The following VWC2 variants were observed in gnomAD, a reference collection of about 807,000 sequenced individuals.
VWC2 encodes the protein brorin.
Under a neutral mutation model 29.8 loss-of-function variants are expected in VWC2, and 14 were observed. The observed-to-expected ratio is 0.47, with a 90% confidence interval of 0.31 to 0.74. VWC2 has a LOEUF of 0.74. Ranked by LOEUF, VWC2 falls within the 30% of genes least tolerant of loss-of-function variation. VWC2 has a pLI of 0.05. For missense variants in VWC2, 457 were observed against 459.8 expected (o/e 0.99, Z 0.05); for synonymous variants, 213 against 199.0 (o/e 1.07, Z -0.59).
In VWC2 at chr7:49,920,569, A is replaced by T. The variant is rs923984313; in HGVS notation, c.*8384A>T. 6.6e-6 allele frequency: 1 copy of T among 152,228 alleles called. No individual in the cohort carries two copies. The highest frequency in any genetic ancestry group is 1.5e-5 in the Non-Finnish European group (1 of 68,032). The allele number at this position is 152,228 out of a possible 1,614,324, so 9.4% of individuals were successfully genotyped here. A position where few individuals can be genotyped will look rare whatever the true frequency, so the allele number is the denominator to read the frequency against. ...GCTGGACCTAAGCAGTGAAGGATGT[A>T]AGGGAACAGAGAGAGACTCTGCTTG... is the stretch of plus-strand genomic sequence containing the variant. On this transcript the variant is annotated 3_prime_UTR_variant, in exon 4 of 4. Coordinates refer to ENST00000340652, the MANE Select transcript of VWC2 (RefSeq NM_198570.5).
At chr7:49,842,086 T>C (rs1583664301) in intron 3 of VWC2, among the ~76,000 whole-genome samples, 1 of 152,170 alleles carries the variant, frequency 6.6e-6, no homozygotes, top group African/African-American at 2.4e-5. Flanking sequence ...CAGGCTGGTC[T>C]TGAACTCCTG....
At chr7:49,857,623 G>A (rs534952009) in intron 3 of VWC2, among the ~76,000 whole-genome samples, 44 of 151,914 alleles carry the variant, frequency 2.9e-4, no homozygotes, top group Admixed American at 1.1e-3. Context: ...CTGTCAAAAT[G>A]GCTATTAACA....
intron 1 of VWC2, among the ~76,000 whole-genome samples, chr7:49,774,950 TC>T (rs569889296): frequency 1.3e-3 from 202 of 152,238 alleles, no homozygotes; most frequent in South Asian, 0.01. Flanking sequence ...TTAATAACCT[TC>T]GGGAAATGTG....
At chr7:49,800,188 G>GTT (rs1176032878) in intron 2 of VWC2, among the ~76,000 whole-genome samples, 1 of 151,970 alleles carries the variant, frequency 6.6e-6, no homozygotes, top group Non-Finnish European at 1.5e-5. Flanking sequence ...AGTAAGAAGT[G>GTT]TTTTTTTTCC....
At chr7:49,878,240 A>G (rs776987416) in intron 3 of VWC2, among the ~76,000 whole-genome samples, 7 of 152,176 alleles carry the variant, frequency 4.6e-5, no homozygotes, top group Non-Finnish European at 8.8e-5. Context: ...TAAACACAGC[A>G]CACTGCAATA....
intron 3 of VWC2, among the ~76,000 whole-genome samples, chr7:49,859,367 G>A (rs1228622812): frequency 6.6e-6 from 1 of 151,958 alleles, no homozygotes; most frequent in Non-Finnish European, 1.5e-5. Context: ...AGGTAACAAG[G>A]CTGTTCTCAT....
intron 3 of VWC2, among the ~76,000 whole-genome samples, chr7:49,810,330 C>T (rs903114236): frequency 4.6e-5 from 7 of 151,934 alleles, no homozygotes; most frequent in Non-Finnish European, 1.0e-4. Flanking sequence ...CTTAGAAACA[C>T]ATGTCACAAT....
At chr7:49,802,598 A>T in intron 2 of VWC2, 113 bp from the exon 3 acceptor site, 1 of 1,404,200 alleles carries the variant, frequency 7.1e-7, no homozygotes. Context: ...AGATCGCACC[A>T]CTGCACTCCA....
chr7:49,838,867 A>G (rs757222967), intron 3 of VWC2, among the ~76,000 whole-genome samples: 1 of 152,186 alleles, frequency 6.6e-6, no homozygotes, highest in Non-Finnish European at 1.5e-5. Context: ...TAAGTTGCCC[A>G]AAGTCACACA....
intron 3 of VWC2, among the ~76,000 whole-genome samples, chr7:49,908,720 A>C (rs1344703170): frequency 1.3e-5 from 2 of 152,182 alleles, no homozygotes; most frequent in African/African-American, 4.8e-5. Context: ...GGGCAAGATC[A>C]GCTGAAGATA....
At chr7:49,780,380 A>G (rs1788147802) in intron 2 of VWC2, among the ~76,000 whole-genome samples, 1 of 152,204 alleles carries the variant, frequency 6.6e-6, no homozygotes, top group South Asian at 2.1e-4. Flanking sequence ...CTCAGTGGCC[A>G]CATGATTTGT....
At chr7:49,796,765 G>C (rs991177258) in intron 2 of VWC2, among the ~76,000 whole-genome samples, 1 of 152,126 alleles carries the variant, frequency 6.6e-6, no homozygotes, top group African/African-American at 2.4e-5. Flanking sequence ...ATTAAACAAG[G>C]CAAAGCTTCT....
In VWC2 at chr7:49,921,707, TAATA is replaced by T. The variant is rs1261999837; in HGVS notation, c.*9526_*9529del. The T allele has an allele frequency of 1.3e-5, 2 of 152,248 alleles. No individual in the cohort carries two copies. The highest frequency in any genetic ancestry group is 2.4e-5 in the African/African-American group (1 of 41,470). 9.4% of individuals were successfully genotyped at this position (152,248 alleles called of 1,614,324 possible). ...TGAGACTTGAACATTTTGAAGATTC[TAATA>T]AATGAATAATTTAATTTAGTGCTCA... On this transcript the variant is annotated 3_prime_UTR_variant, in exon 4 of 4. Transcript: ENST00000340652.
intron 3 of VWC2, among the ~76,000 whole-genome samples, chr7:49,887,330 A>G (rs73111338): frequency 2.4e-4 from 36 of 152,296 alleles, no homozygotes; most frequent in Non-Finnish European, 3.4e-4. Flanking sequence ...AAGATTTGCA[A>G]TTGATTTGTT....
At chr7:49,860,257 C>G (rs1790596492) in intron 3 of VWC2, among the ~76,000 whole-genome samples, 1 of 152,190 alleles carries the variant, frequency 6.6e-6, no homozygotes, top group African/African-American at 2.4e-5. Context: ...TCTCCTCATT[C>G]CTGTCTACGT....
At chr7:49,804,500 A>T (rs905903213) in intron 3 of VWC2, among the ~76,000 whole-genome samples, 2 of 152,210 alleles carry the variant, frequency 1.3e-5, no homozygotes, top group African/African-American at 2.4e-5. Context: ...TGGGTTGCTT[A>T]AATATTTGGC....
At chr7:49,890,328 T>G (rs1792074793) in intron 3 of VWC2, among the ~76,000 whole-genome samples, 1 of 152,242 alleles carries the variant, frequency 6.6e-6, no homozygotes, top group Admixed American at 6.5e-5. Context: ...GTATTTAATT[T>G]CTAATGGTAG....
intron 3 of VWC2, among the ~76,000 whole-genome samples, chr7:49,832,502 G>A (rs537191525): frequency 6.6e-6 from 1 of 152,214 alleles, no homozygotes; most frequent in South Asian, 2.1e-4. Flanking sequence ...AGCAGAAACA[G>A]GGAACAAAAA....
chr7:49,780,648 A>C (rs1335008454), intron 2 of VWC2, among the ~76,000 whole-genome samples: 1 of 152,218 alleles, frequency 6.6e-6, no homozygotes, highest in African/African-American at 2.4e-5. Context: ...GTGTGTCAAC[A>C]CTGGTTATCG....
Sources: allele counts gnomAD v4.1 joint callset (sites outside exome capture counted in the v4.1 genomes callset), GRCh38; gene constraint gnomAD v4.1.1; transcripts MANE v1.5; gene names NCBI Gene and HGNC (gene_info 2026-07-23, HGNC 2026-07-21).